Variants in ARHGEF3 observed in about 807,000 individuals in gnomAD.
ARHGEF3 encodes the protein Rho guanine nucleotide exchange factor 3, also known as 59.8 kDA protein.
Under a neutral mutation model 63.2 loss-of-function variants are expected in ARHGEF3, and 28 were observed. The ratio of observed to expected loss-of-function variants is 0.44; its 90% CI spans 0.33 to 0.61. The LOEUF is 0.61. Ranked by LOEUF, ARHGEF3 falls within the 20% of genes least tolerant of loss-of-function variation. The pLI, the probability that ARHGEF3 is intolerant of heterozygous loss-of-function variation, is 0.03. For missense variants in ARHGEF3, 533 were observed against 659.3 expected (o/e 0.81, Z 2.10); for synonymous variants, 266 against 254.2 (o/e 1.05, Z -0.44).
intron 1 of ARHGEF3, among the ~76,000 whole-genome samples, chr3:57,055,310 T>C (rs1704874110): frequency 6.6e-6 from 1 of 151,804 alleles, no homozygotes; most frequent in East Asian, 2.0e-4. Context: ...TACAGGCGCA[T>C]GCCACCAAGC....
At chr3:56,998,407 CTTT>C (rs10594789) in intron 2 of ARHGEF3, among the ~76,000 whole-genome samples, 15 of 144,496 alleles carry the variant, frequency 1.0e-4, no homozygotes, top group South Asian at 6.6e-4. Flanking sequence ...GTCATCCTGA[CTTT>C]TTTTTTTTTT....
At chr3:56,863,366 C>T (rs547290386) in intron 4 of ARHGEF3, among the ~76,000 whole-genome samples, 1 of 151,248 alleles carries the variant, frequency 6.6e-6, no homozygotes, top group African/African-American at 2.4e-5. Context: ...GTGGTGCAAT[C>T]TTGGCTCACT....
intron 2 of ARHGEF3, among the ~76,000 whole-genome samples, chr3:56,966,609 TG>T (rs1253505599): frequency 6.6e-6 from 1 of 152,136 alleles, no homozygotes; most frequent in Non-Finnish European, 1.5e-5. Context: ...GGGGTTCCAC[TG>T]AAGCATGGAG....
At chr3:56,789,324 C>G (rs921043577) in intron 1 of ARHGEF3, among the ~76,000 whole-genome samples, 1 of 152,142 alleles carries the variant, frequency 6.6e-6, no homozygotes, top group Admixed American at 6.5e-5. Context: ...CAATCCTTCC[C>G]ACCAGAGTGA....
At chr3:56,942,692 C>G (rs1699248004) in intron 3 of ARHGEF3, among the ~76,000 whole-genome samples, 2 of 152,184 alleles carry the variant, frequency 1.3e-5, no homozygotes, top group Admixed American at 6.5e-5. Flanking sequence ...AAAGTTGAGG[C>G]AGGCTGAAAG....
chr3:56,799,335 C>T (rs868278285), intron 1 of ARHGEF3, among the ~76,000 whole-genome samples: 12 of 152,162 alleles, frequency 7.9e-5, no homozygotes, highest in African/African-American at 2.2e-4. Flanking sequence ...AAGGCAAATT[C>T]GGAAGGAACA....
intron 3 of ARHGEF3, among the ~76,000 whole-genome samples, chr3:56,901,818 T>G (rs2041520132): frequency 6.6e-6 from 1 of 152,098 alleles, no homozygotes; most frequent in Non-Finnish European, 1.5e-5. Flanking sequence ...TGCAATATTT[T>G]TGTCAATACA....
rs570138095 is a variant in ARHGEF3 at position 56,745,505 on chromosome 3, T to C, written c.613-43A>G. 1.1e-5 allele frequency: 17 copies of C among 1,602,270 alleles called. No individual in the cohort carries two copies. In the Middle Eastern group the frequency reaches 6.7e-4, roughly 64 times the overall value. On this transcript the variant is annotated intron_variant, in intron 6 of 9. Coordinates refer to ENST00000296315, the MANE Select transcript of ARHGEF3 (RefSeq NM_019555.3). ...AGAGAAGGTTGGAATGTCAAAATAA[T>C]TGAGCTCTGAGGCTACGGTGGCATC... is the stretch of plus-strand genomic sequence containing the variant.
intron 6 of ARHGEF3, among the ~76,000 whole-genome samples, chr3:56,748,557 T>G (rs1304742254): frequency 6.6e-6 from 1 of 151,992 alleles, no homozygotes; most frequent in African/African-American, 2.4e-5. Flanking sequence ...CTATTTTTTT[T>G]TTTTTTTTTG....
chr3:56,828,772 C>A (rs1405419382), intron 4 of ARHGEF3, among the ~76,000 whole-genome samples: 1 of 152,102 alleles, frequency 6.6e-6, no homozygotes. Flanking sequence ...GGAGAAGATC[C>A]ATCCTGGGTT....
chr3:56,882,568 C>CG (rs1443999085), intron 3 of ARHGEF3, among the ~76,000 whole-genome samples: 1 of 130,678 alleles, frequency 7.7e-6, no homozygotes, highest in African/African-American at 3.0e-5. Context: ...GGCTGGGGTG[C>CG]GGTGCGGTGG....
chr3:56,914,091 A>G (rs1447337708), intron 3 of ARHGEF3, among the ~76,000 whole-genome samples: 2 of 152,230 alleles, frequency 1.3e-5, no homozygotes, highest in Non-Finnish European at 2.9e-5. Context: ...ACGCAAAGGC[A>G]TAAGAATGAT....
chr3:56,943,623 C>T, intron 3 of ARHGEF3, among the ~76,000 whole-genome samples: 1 of 152,098 alleles, frequency 6.6e-6, no homozygotes, highest in East Asian at 1.9e-4. Context: ...TTAAAAAATA[C>T]ATCTCTTTAG....
At chr3:56,794,631 T>C in intron 1 of ARHGEF3, among the ~76,000 whole-genome samples, 1 of 152,118 alleles carries the variant, frequency 6.6e-6, no homozygotes, top group East Asian at 1.9e-4. Context: ...GGGTGATTGG[T>C]TCCAGAACCC....
intron 2 of ARHGEF3, among the ~76,000 whole-genome samples, chr3:57,024,227 A>G (rs537583203): frequency 6.6e-6 from 1 of 151,708 alleles, no homozygotes; most frequent in South Asian, 2.1e-4. Context: ...TAAACAGAAT[A>G]TTGAAGCTTC....
At chr3:56,896,539 C>A (rs562808395) in intron 3 of ARHGEF3, among the ~76,000 whole-genome samples, 1 of 152,286 alleles carries the variant, frequency 6.6e-6, no homozygotes, top group Non-Finnish European at 1.5e-5. Context: ...TTTTCCTGGT[C>A]CAGAATCCAA....
At chr3:56,987,758 A>G (rs2106934296) in intron 2 of ARHGEF3, among the ~76,000 whole-genome samples, 1 of 152,328 alleles carries the variant, frequency 6.6e-6, no homozygotes, top group East Asian at 1.9e-4. Context: ...AGCCACTAAG[A>G]GACCACCTCA....
intron 2 of ARHGEF3, among the ~76,000 whole-genome samples, chr3:56,969,053 C>T (rs7371892): frequency 0.77 from 116,755 of 152,160 alleles, 45,914 homozygotes; most frequent in Middle Eastern, 0.85. Flanking sequence ...TTCAGAAACG[C>T]TAAAAGGACA....
At chr3:56,729,657 T>G in intron 9 of ARHGEF3, 35 bp from the exon 10 acceptor site, 1 of 1,526,268 alleles carries the variant, frequency 6.6e-7, no homozygotes, top group Non-Finnish European at 8.9e-7. Context: ...ACAAAGTCAA[T>G]GGACAGATCC....
Sources: gnomAD v4.1 joint callset for allele counts (sites outside exome capture counted in the v4.1 genomes callset) on GRCh38, gnomAD v4.1.1 for gene constraint, MANE v1.5 for transcripts, NCBI Gene and HGNC (gene_info 2026-07-23, HGNC 2026-07-21) for gene names.